The following EDA variants were observed in gnomAD, a reference collection of about 807,000 sequenced individuals.
EDA encodes the protein ectodysplasin-A.
A neutral mutation model predicts 23.6 loss-of-function variants in EDA; 2 were observed. The observed-to-expected ratio is 0.08, with a 90% CI of 0.03 to 0.27. The LOEUF is 0.27. Among genes scored for constraint, EDA ranks in the 10% least tolerant of loss-of-function variants. The pLI is 1.00. For missense variants in EDA, 229 were observed against 324.2 expected (o/e 0.71, Z 2.26); for synonymous variants, 131 against 132.0 (o/e 0.99, Z 0.05).
chrX:69,680,377 G>T (rs1934290539), intron 1 of EDA, among the ~76,000 whole-genome samples: 1 of 47,808 alleles, frequency 2.1e-5, no homozygotes, highest in Non-Finnish European at 3.0e-5. Context: ...GGGTATCCTT[G>T]TTGACTTTCT....
chrX:69,981,472 T>G (rs2019406981), intron 2 of EDA, among the ~76,000 whole-genome samples: 2 of 111,761 alleles, frequency 1.8e-5, no homozygotes, highest in Middle Eastern at 4.6e-3. Context: ...CAAGATGAGA[T>G]GACAATATCA....
At chrX:69,748,898 G>A (rs2013711027) in intron 1 of EDA, among the ~76,000 whole-genome samples, 2 of 111,559 alleles carry the variant, frequency 1.8e-5, no homozygotes, top group Admixed American at 9.5e-5. Flanking sequence ...TTGAATAGGA[G>A]GCAAATCGAA....
intron 1 of EDA, among the ~76,000 whole-genome samples, chrX:69,719,120 G>GCATA (rs2012466402): frequency 9.0e-6 from 1 of 110,613 alleles, no homozygotes; most frequent in Admixed American, 9.6e-5. Flanking sequence ...TATTTTTAAT[G>GCATA]GTTGTAGGAT....
At chrX:69,681,135 T>C (rs751652125) in intron 1 of EDA, among the ~76,000 whole-genome samples, 2 of 111,618 alleles carry the variant, frequency 1.8e-5, no homozygotes, top group Admixed American at 1.9e-4. Context: ...TCTTTAAGAA[T>C]GTTGAATATT....
chrX:69,683,010 A>G (rs923782364), intron 1 of EDA, among the ~76,000 whole-genome samples: 10 of 111,552 alleles, frequency 9.0e-5, no homozygotes, highest in African/African-American at 3.3e-4. Context: ...TCATAATTTC[A>G]TTTCTCATTG....
At chrX:69,888,978 T>TAGATAGATTATATATATA in intron 1 of EDA, among the ~76,000 whole-genome samples, 1 of 16,013 alleles carries the variant, frequency 6.2e-5, no homozygotes, top group East Asian at 3.3e-3. Flanking sequence ...TGTGGGGTAG[T>TAGATAGATTATATATATA]TATATATATA....
intron 1 of EDA, among the ~76,000 whole-genome samples, chrX:69,694,598 T>C (rs1488103614): frequency 8.9e-6 from 1 of 111,922 alleles, no homozygotes; most frequent in Non-Finnish European, 1.9e-5. Context: ...TAAACAACCA[T>C]CTGTGAATAA....
chrX:69,655,692 T>A (rs1933285885), intron 1 of EDA, among the ~76,000 whole-genome samples: 1 of 99,779 alleles, frequency 1.0e-5, no homozygotes, highest in African/African-American at 3.8e-5. Context: ...CTGAATTCAT[T>A]CCAGTTGTAT....
chrX:69,916,481 C>G (rs977776631), intron 1 of EDA, among the ~76,000 whole-genome samples: 1 of 99,259 alleles, frequency 1.0e-5, no homozygotes, highest in Non-Finnish European at 2.0e-5. Context: ...TGGCTCACTG[C>G]AAGCTCTGCC....
chrX:69,638,332 A>G (rs1305342014), intron 1 of EDA, among the ~76,000 whole-genome samples: 2 of 112,191 alleles, frequency 1.8e-5, no homozygotes, highest in African/African-American at 3.2e-5. Flanking sequence ...AAGTTCATGA[A>G]TAGTTCAGTA....
At chrX:69,762,479 A>C (rs2014338733) in intron 1 of EDA, among the ~76,000 whole-genome samples, 2 of 111,933 alleles carry the variant, frequency 1.8e-5, no homozygotes, top group African/African-American at 6.5e-5. Flanking sequence ...TATAGGAAGC[A>C]CTGAACTCCT....
At chrX:69,767,182 G>A (rs2014495076) in intron 1 of EDA, among the ~76,000 whole-genome samples, 1 of 111,631 alleles carries the variant, frequency 9.0e-6, no homozygotes, top group Admixed American at 9.5e-5. Flanking sequence ...TAGTAACATT[G>A]TGATTGTGTT....
intron 1 of EDA, among the ~76,000 whole-genome samples, chrX:69,841,535 G>C (rs1258429789): frequency 9.0e-6 from 1 of 110,655 alleles, no homozygotes; most frequent in Non-Finnish European, 1.9e-5. Context: ...TTTTTAAGCA[G>C]AGGCAAGATC....
chrX:69,782,415 C>G (rs1269699974), intron 1 of EDA, among the ~76,000 whole-genome samples: 1 of 99,745 alleles, frequency 1.0e-5, no homozygotes, highest in Admixed American at 1.1e-4. Context: ...ACTAAGGAGA[C>G]TTCTACTGAG....
chrX:69,656,161 A>G (rs767623521), intron 1 of EDA, among the ~76,000 whole-genome samples: 1 of 110,896 alleles, frequency 9.0e-6, no homozygotes, highest in Non-Finnish European at 1.9e-5. Context: ...CTGTGTGCAC[A>G]TCAAGTGTTC....
intron 1 of EDA, among the ~76,000 whole-genome samples, chrX:69,869,563 A>C (rs1569360532): frequency 9.0e-6 from 1 of 111,611 alleles, no homozygotes; most frequent in East Asian, 2.8e-4. Context: ...CAAGTCTGGA[A>C]ATTGATTGAG....
At chrX:69,979,720 C>G (rs1243711428) in intron 2 of EDA, among the ~76,000 whole-genome samples, 1 of 111,097 alleles carries the variant, frequency 9.0e-6, no homozygotes, top group Non-Finnish European at 1.9e-5. Flanking sequence ...GATATTTTGC[C>G]TAGTCTTCAA....
At chrX:69,694,817 C>T (rs2011277730) in intron 1 of EDA, among the ~76,000 whole-genome samples, 1 of 111,734 alleles carries the variant, frequency 8.9e-6, no homozygotes, top group Admixed American at 9.5e-5. Context: ...GCAAATATAA[C>T]TCAAAGGGTT....
chrX:69,920,978 ATTTATTT>A (rs2018423064), intron 1 of EDA, among the ~76,000 whole-genome samples: 1 of 109,648 alleles, frequency 9.1e-6, no homozygotes, highest in Non-Finnish European at 1.9e-5. Context: ...TTATTTATTT[ATTTATTT>A]ATGTCTAGAT....
Sources: gnomAD v4.1 joint callset for allele counts (sites outside exome capture counted in the v4.1 genomes callset) on GRCh38, gnomAD v4.1.1 for gene constraint, MANE v1.5 for transcripts, NCBI Gene and HGNC (gene_info 2026-07-23, HGNC 2026-07-21) for gene names.